IL13RA1: variants seen among roughly 807,000 people sequenced by gnomAD.
IL13RA1 encodes interleukin-13 receptor subunit alpha-1.
In IL13RA1, 14 loss-of-function variants were observed where a neutral mutation model predicts 33.8. The ratio of observed to expected loss-of-function variants is 0.41; its 90% confidence interval spans 0.27 to 0.65. The LOEUF (loss-of-function observed/expected upper bound fraction) is 0.65, where lower values mean the gene tolerates loss of function less well. Among genes scored for constraint, IL13RA1 ranks in the 30% least tolerant of loss-of-function variants. IL13RA1 has a pLI of 0.28. For missense variants in IL13RA1, 313 were observed against 327.0 expected, an observed-to-expected ratio of 0.96 and a Z score of 0.33; for synonymous variants, 116 against 115.7, an observed-to-expected ratio of 1.00 and a Z score of -0.02.
rs142562380 is a variant in IL13RA1, at chrX:118,776,190, A to C, written c.1107-237A>C. Reference sequence around the variant, plus strand: ...ATTATTTAGATGATAGGGTATAAGTAATTCATTTATTCTGATGGTCCCTGT... The same window carrying C: ...ATTATTTAGATGATAGGGTATAAGTCATTCATTTATTCTGATGGTCCCTGT... On this transcript the variant is annotated intron_variant, in intron 9 of 10. Transcript: ENST00000371666. Among the ~76,000 whole-genome samples the C allele has an allele frequency of 3.1e-3, 346 of 112,203 alleles. 1 individual carries two copies. The highest frequency in any genetic ancestry group is 0.011 in the African/African-American group (332 of 30,895).
intron 5 of IL13RA1, among the ~76,000 whole-genome samples, chrX:118,759,313 A>T (rs1014288512): frequency 9.8e-5 from 11 of 112,590 alleles, no homozygotes; most frequent in African/African-American, 3.2e-4. Context: ...ATCTAAAAAA[A>T]TTGTCATAAG....
intron 1 of IL13RA1, among the ~76,000 whole-genome samples, chrX:118,729,658 T>C (rs1195205916): frequency 8.9e-6 from 1 of 112,759 alleles, no homozygotes; most frequent in East Asian, 2.8e-4. Flanking sequence ...AACTAGCATG[T>C]ATATAGCATT....
chrX:118,765,997 G>GA (rs1411127675), intron 6 of IL13RA1, among the ~76,000 whole-genome samples: 1 of 112,091 alleles, frequency 8.9e-6, no homozygotes, highest in Non-Finnish European at 1.9e-5. Context: ...AGTAGGGTAA[G>GA]AAAAAATACA....
chrX:118,802,872 GC>G, the IL13RA1 span, among the ~76,000 whole-genome samples: 33 of 111,809 alleles, frequency 3.0e-4, no homozygotes, highest in Admixed American at 3.0e-3. Context: ...TTGTTTTACA[GC>G]CTTGAACATT....
chrX:118,790,386 G>T (rs2017962895), intron 10 of IL13RA1, among the ~76,000 whole-genome samples: 1 of 112,168 alleles, frequency 8.9e-6, no homozygotes, highest in East Asian at 2.8e-4. Flanking sequence ...CCATTCACTT[G>T]TTCAAGGACA....
intron 6 of IL13RA1, among the ~76,000 whole-genome samples, chrX:118,763,354 A>G (rs2017610532): frequency 8.9e-6 from 1 of 112,194 alleles, no homozygotes; most frequent in Admixed American, 9.4e-5. Flanking sequence ...AATCTTCACA[A>G]TAACCCTAAG....
intron 10 of IL13RA1, among the ~76,000 whole-genome samples, chrX:118,779,214 G>A (rs1016046606): frequency 3.0e-4 from 33 of 111,469 alleles, no homozygotes; most frequent in African/African-American, 1.1e-3. Context: ...TTTCTGGAGG[G>A]CAAACTGGTA....
chrX:118,767,585 G>A (rs1481770413), intron 8 of IL13RA1, among the ~76,000 whole-genome samples: 1 of 111,281 alleles, frequency 9.0e-6, no homozygotes, highest in Non-Finnish European at 1.9e-5. Context: ...TTTGCACATT[G>A]TACAATACTA....
At chrX:118,767,234 A>C (rs372596616) in intron 8 of IL13RA1, among the ~76,000 whole-genome samples, 57 of 111,864 alleles carry the variant, frequency 5.1e-4, no homozygotes, top group African/African-American at 1.8e-3. Context: ...TAACAAACTG[A>C]ACAAAAATAT....
At chrX:118,732,529 A>C (rs2017233422) in intron 1 of IL13RA1, among the ~76,000 whole-genome samples, 1 of 110,139 alleles carries the variant, frequency 9.1e-6, no homozygotes, top group Non-Finnish European at 1.9e-5. Context: ...CATTAGGTAT[A>C]TCTCCTAATG....
chrX:118,803,653 T>A, the IL13RA1 span, among the ~76,000 whole-genome samples: 2 of 111,965 alleles, frequency 1.8e-5, no homozygotes, highest in East Asian at 2.8e-4. Flanking sequence ...GGTGATTTTT[T>A]AAATAATGAT....
intron 4 of IL13RA1, among the ~76,000 whole-genome samples, chrX:118,755,447 A>G (rs955805464): frequency 9.1e-6 from 1 of 109,868 alleles, no homozygotes; most frequent in Non-Finnish European, 1.9e-5. Context: ...TAATTTGTCA[A>G]TTTCCTTCTC....
chrX:118,781,647 C>T (rs1425579952), intron 10 of IL13RA1, among the ~76,000 whole-genome samples: 1 of 112,917 alleles, frequency 8.9e-6, no homozygotes, highest in African/African-American at 3.2e-5. Context: ...CCACCACGCC[C>T]AGCCTCAATA....
chrX:118,788,192 G>A (rs140950810), intron 10 of IL13RA1, among the ~76,000 whole-genome samples: 1,256 of 111,800 alleles, frequency 0.011, 23 homozygotes, highest in African/African-American at 0.038. Flanking sequence ...AGGTCCCTCC[G>A]TTCGGGGTCC....
chrX:118,767,327 G>A (rs2017660478), intron 8 of IL13RA1, among the ~76,000 whole-genome samples: 1 of 111,598 alleles, frequency 9.0e-6, no homozygotes, highest in Non-Finnish European at 1.9e-5. Context: ...GATCGCTTGA[G>A]CCCAGGAGTT....
At chrX:118,784,090 A>AT (rs1200223891) in intron 10 of IL13RA1, among the ~76,000 whole-genome samples, 4,546 of 63,646 alleles carry the variant, frequency 0.071, 364 homozygotes, top group African/African-American at 0.17. Flanking sequence ...AAAAAAAAAA[A>AT]ATATATATAT....
intron 10 of IL13RA1, among the ~76,000 whole-genome samples, chrX:118,788,804 T>C (rs191829812): frequency 8.9e-6 from 1 of 111,884 alleles, no homozygotes; most frequent in Non-Finnish European, 1.9e-5. Context: ...GATAAATTGT[T>C]ACAAGCCAAA....
intron 8 of IL13RA1, chrX:118,769,714 A>T (rs894013386): frequency 1.8e-5 from 2 of 113,157 alleles, no homozygotes; most frequent in Non-Finnish European, 3.7e-5. Context: ...AACCCACCCC[A>T]TGAGCATCCC....
In IL13RA1 at chrX:118,766,909, CA is replaced by C; in HGVS notation, c.946del (p.Thr316GlnfsTer19). 9.1e-7 allele frequency: 1 copy of C among 1,099,913 alleles called. No individual in the cohort carries two copies. The highest frequency in any genetic ancestry group is 1.3e-6 in the Non-Finnish European group (1 of 796,944). The allele number at this position is 1,099,913 out of a possible 1,213,427, so 90.6% of individuals were successfully genotyped here. ...CTTTGAACACAGTCAGAATAAGAGT[CA>C]AAACAAATAAGTTATGCTATGAGGA... is the stretch of plus-strand genomic sequence containing the variant. The part of the protein sequence containing the change: ...DTLNTVRIRV[K>X]TNKLCYEDDK... On this transcript the variant is annotated frameshift_variant, in exon 8 of 11. Coordinates refer to ENST00000371666, the MANE Select transcript of IL13RA1 (RefSeq NM_001560.3). LOFTEE classifies it high-confidence loss of function.
Sources: gnomAD v4.1 joint callset for allele counts (sites outside exome capture counted in the v4.1 genomes callset) on GRCh38, gnomAD v4.1.1 for gene constraint, MANE v1.5 for transcripts, NCBI Gene and HGNC (gene_info 2026-07-23, HGNC 2026-07-21) for gene names.